ABCC4: variants seen among roughly 807,000 people sequenced by gnomAD.
ABCC4 encodes the protein ATP-binding cassette sub-family C member 4.
ABCC4 carries 102 observed loss-of-function variants against 168.5 expected under a neutral mutation model. The ratio of observed to expected loss-of-function variants is 0.61; its 90% CI spans 0.52 to 0.71. The LOEUF (loss-of-function observed/expected upper bound fraction) is 0.71. Among genes scored for constraint, ABCC4 ranks in the 30% least tolerant of loss-of-function variants. ABCC4 has a pLI of 0.00. For synonymous variants in ABCC4, 617 were observed against 590.7 expected, an observed-to-expected ratio of 1.04 and a Z score of -0.65; for missense variants, 1,402 against 1,605.8, an observed-to-expected ratio of 0.87 and a Z score of 2.17.
chr13:95,058,171 A>G (rs777943063), intron 26 of ABCC4, among the ~76,000 whole-genome samples: 22 of 152,208 alleles, frequency 1.4e-4, no homozygotes, highest in Non-Finnish European at 1.5e-4. Context: ...AAAATAAATC[A>G]CAAATGATTC....
intron 26 of ABCC4, among the ~76,000 whole-genome samples, chr13:95,058,808 G>A (rs1302861382): frequency 2.0e-5 from 3 of 152,066 alleles, no homozygotes; most frequent in Non-Finnish European, 4.4e-5. Context: ...ACCCTGCAGG[G>A]CTGCAGTGAC....
intron 30 of ABCC4, among the ~76,000 whole-genome samples, chr13:95,027,685 TA>T (rs2031614462): frequency 6.6e-6 from 1 of 152,128 alleles, no homozygotes; most frequent in Non-Finnish European, 1.5e-5. Context: ...TTATTGTTTA[TA>T]ATGGGGAGTC....
At chr13:95,289,565 C>A (rs921941718) in intron 1 of ABCC4, among the ~76,000 whole-genome samples, 2 of 152,192 alleles carry the variant, frequency 1.3e-5, no homozygotes, top group African/African-American at 4.8e-5. Context: ...TGGCACGGAG[C>A]AATCCCCCTT....
At chr13:95,058,847 G>C (rs570273792) in intron 26 of ABCC4, among the ~76,000 whole-genome samples, 1 of 152,160 alleles carries the variant, frequency 6.6e-6, no homozygotes, top group African/African-American at 2.4e-5. Flanking sequence ...CTCCTTGCAC[G>C]GTGCTGCCAG....
chr13:95,131,353 C>A (rs895608078), intron 19 of ABCC4, among the ~76,000 whole-genome samples: 1 of 152,142 alleles, frequency 6.6e-6, no homozygotes, highest in Non-Finnish European at 1.5e-5. Flanking sequence ...CCCAGCCAGG[C>A]GCAGTGGCTC....
intron 19 of ABCC4, among the ~76,000 whole-genome samples, chr13:95,129,579 CA>C (rs1209489373): frequency 1.3e-5 from 2 of 151,666 alleles, no homozygotes; most frequent in Non-Finnish European, 2.9e-5. Flanking sequence ...ATAAGTAAAA[CA>C]AAAATGTATA....
At chr13:95,163,059 T>A in intron 18 of ABCC4, 63 bp downstream of exon 18, 1 of 1,133,370 alleles carries the variant, frequency 8.8e-7, no homozygotes, top group East Asian at 2.4e-5. Context: ...CCCTAGTTAC[T>A]CACACAGGCT....
At chr13:95,078,709 A>G (rs1023206155) in intron 21 of ABCC4, among the ~76,000 whole-genome samples, 1 of 152,148 alleles carries the variant, frequency 6.6e-6, no homozygotes, top group African/African-American at 2.4e-5. Context: ...TTACCCTACA[A>G]AGAGTTTGGC....
At chr13:95,162,664 G>A (rs1273037719) in intron 18 of ABCC4, among the ~76,000 whole-genome samples, 1 of 152,168 alleles carries the variant, frequency 6.6e-6, no homozygotes, top group Non-Finnish European at 1.5e-5. Context: ...ATACCTGGGA[G>A]GGAATAATGC....
At chr13:95,212,224 G>A (rs7332663) in intron 4 of ABCC4, among the ~76,000 whole-genome samples, 113,130 of 149,462 alleles carry the variant, frequency 0.76, 43,456 homozygotes, top group Non-Finnish European at 0.84. Flanking sequence ...TGAATCAATC[G>A]TAAAATACAA....
rs9561788 is a variant in ABCC4 at position 95,131,247 on chromosome 13, G to A, written c.2456-15246C>T. 2.6e-4 allele frequency among the ~76,000 whole-genome samples: 39 copies of A among 152,294 alleles called. No homozygotes were observed. In the East Asian group the frequency reaches 7.3e-3, roughly 29 times the overall value. On this transcript the variant is annotated intron_variant, in intron 19 of 30. Coordinates refer to ENST00000645237, the MANE Select transcript of ABCC4 (RefSeq NM_005845.5). ...ATTTTCAAGTGTAGGATTAAAAAAAGGGGAAGCATGCCAAGGAAAGGCGAC... is the reference window on the plus strand; with the variant it reads ...ATTTTCAAGTGTAGGATTAAAAAAAAGGGAAGCATGCCAAGGAAAGGCGAC...
chr13:95,092,391 A>G (rs1178435931), intron 20 of ABCC4, among the ~76,000 whole-genome samples: 3 of 152,114 alleles, frequency 2.0e-5, no homozygotes, highest in Non-Finnish European at 4.4e-5. Flanking sequence ...AACTTTTTCC[A>G]AGATAGACCA....
intron 1 of ABCC4, among the ~76,000 whole-genome samples, chr13:95,265,938 T>G (rs115303541): frequency 7.4e-4 from 112 of 152,284 alleles, no homozygotes; most frequent in African/African-American, 2.7e-3. Flanking sequence ...AAGGTCGGGC[T>G]GTATCTGTCC....
At chr13:95,285,072 C>T (rs1298189400) in intron 1 of ABCC4, among the ~76,000 whole-genome samples, 1 of 151,820 alleles carries the variant, frequency 6.6e-6, no homozygotes, top group Admixed American at 6.6e-5. Flanking sequence ...ATAGTGAGAT[C>T]TCGTCTCTAC....
chr13:95,113,833 CA>C (rs2035284374), intron 20 of ABCC4, among the ~76,000 whole-genome samples: 1 of 152,150 alleles, frequency 6.6e-6, no homozygotes, highest in African/African-American at 2.4e-5. Flanking sequence ...TTCTTCCTGA[CA>C]ACCATTTAAA....
rs1264162787 is a variant in ABCC4 at position 95,075,484 on chromosome 13, T to G, written c.2754A>C (p.Lys918Asn). The change falls in exon 22 of 31, where the codon AAA (lysine) becomes AAC (asparagine). Residue 918 changes from lysine to asparagine, a missense_variant. This residue lies in a region of ABCC4 where 1,007 missense variants were observed against 1,127.3 expected (regional missense o/e 0.89). Transcript: ENST00000645237. The part of the protein sequence containing the change: ...LQGLWTIRAY[K>N]AEERCQELFD... ...ACAGTTCCTGACACCTCTCTTCTGC[T>G]TTGTATGCCCGGATGGTCCAGAGCC... The G allele has an allele frequency of 1.2e-6, 2 of 1,613,978 alleles. No homozygotes were observed. Among genetic ancestry groups the G allele is most frequent in the South Asian group, 2.2e-5 (2 of 91,078 alleles).
intron 4 of ABCC4, among the ~76,000 whole-genome samples, chr13:95,229,486 G>A (rs2389234): frequency 0.76 from 115,920 of 152,078 alleles, 44,678 homozygotes; most frequent in Non-Finnish European, 0.84. Context: ...AGGTACTGCT[G>A]TAGCTTTACC....
At chr13:95,114,788 T>G (rs1453929524) in intron 20 of ABCC4, among the ~76,000 whole-genome samples, 1 of 152,198 alleles carries the variant, frequency 6.6e-6, no homozygotes, top group Non-Finnish European at 1.5e-5. Flanking sequence ...ATTTTCCAAA[T>G]TAAGTAATTT....
At chr13:95,300,391 G>T (rs1396952566) in intron 1 of ABCC4, among the ~76,000 whole-genome samples, 2 of 152,188 alleles carry the variant, frequency 1.3e-5, no homozygotes, top group Admixed American at 6.6e-5. Flanking sequence ...AAAGAAGCTG[G>T]TCAAAGACAG....
Sources: gnomAD v4.1 joint callset for allele counts (sites outside exome capture counted in the v4.1 genomes callset) on GRCh38, gnomAD v4.1.1 for gene constraint, gnomAD v4.1.1 regional missense constraint, MANE v1.5 for transcripts, NCBI Gene and HGNC (gene_info 2026-07-23, HGNC 2026-07-21) for gene names.